The following FBXW5 variants were observed in gnomAD, a reference collection of about 807,000 sequenced individuals.
FBXW5 encodes the protein F-box and WD repeat domain containing 5.
A neutral mutation model predicts 50.9 loss-of-function variants in FBXW5; 74 were observed. The ratio of observed to expected loss-of-function variants is 1.45; its 90% CI spans 1.20 to 1.76. The LOEUF is 1.76. FBXW5 is among the 40% of genes most tolerant of loss of function. FBXW5 has a pLI of 0.00. For synonymous variants in FBXW5, 523 were observed against 362.2 expected (o/e 1.44, Z -5.04); for missense variants, 1,073 against 818.8 (o/e 1.31, Z -3.79).
rs1354245286 is a variant in FBXW5 at position 136,943,417 on chromosome 9, C to T, written c.283G>A (p.Val95Ile). Reference protein sequence around the residue: ...VQTLREHTDQVLHLSFSHSGY... With the variant: ...VQTLREHTDQILHLSFSHSGY... ...GAATGGGAGAAGCTGAGGTGCAGGA[C>T]CTGGTCTGTGTGTTCCCGCAGCGTC... Residue 95 changes from valine (V) to isoleucine (I), a missense_variant, in exon 3 of 9, where the codon GTC becomes ATC. Coordinates refer to ENST00000325285, the MANE Select transcript of FBXW5 (RefSeq NM_018998.4). 2 of 1,612,804 alleles carry T rather than the reference C, an allele frequency of 1.2e-6. No homozygotes were observed. The highest frequency in any genetic ancestry group is 1.3e-5 in the African/African-American group (1 of 74,934).
At position 136,944,690 on chromosome 9, in the gene FBXW5, G is replaced by GGAGCCCGCCAGGCCCGACGCC; in HGVS notation, c.-141_-121dup. 1.0e-6 allele frequency: 1 copy of GGAGCCCGCCAGGCCCGACGCC among 985,778 alleles called. No individual in the cohort carries two copies. The highest frequency in any genetic ancestry group is 1.2e-6 in the Non-Finnish European group (1 of 829,832). The allele number at this position is 985,778 out of a possible 1,614,324, so 61.1% of individuals were successfully genotyped here. On this transcript the variant is annotated 5_prime_UTR_variant, in exon 1 of 9. Coordinates refer to ENST00000325285, the MANE Select transcript of FBXW5 (RefSeq NM_018998.4). ...TCGGACCGCCGCCCCCGCCCAACGG[G>GGAGCCCGCCAGGCCCGACGCC]GAGCCCGCCAGGCCCGACGCCACGA...
chr9:136,941,098 C>G lies in FBXW5; in HGVS notation c.1531G>C (p.Asp511His), dbSNP rs998719869. The change falls in exon 9 of 9, where the codon GAT becomes CAT. Residue 511 changes from aspartate (D) to histidine (H), a missense_variant. Asp to His is a moderately conservative substitution (Grantham distance 81). Transcript: ENST00000325285. ...NICLARLRHE[D>H]VVNSVVFSPQ... ...CTGAAGACCACTGAGTTGACCACATCCTCGTGCCGCAGCCTGGCCAGACAG... is the reference window on the plus strand; with the variant it reads ...CTGAAGACCACTGAGTTGACCACATGCTCGTGCCGCAGCCTGGCCAGACAG... 3.2e-6 allele frequency: 5 copies of G among 1,580,706 alleles called. No homozygotes were observed. The highest frequency in any genetic ancestry group is 4.3e-6 in the Non-Finnish European group (5 of 1,163,422).
Position 136,942,931 on chromosome 9 carries a change from C to T in FBXW5, c.364G>A (p.Asp122Asn), listed in dbSNP as rs376304753. 2.9e-5 allele frequency: 46 copies of T among 1,612,882 alleles called. 1 individual carries two copies. Among genetic ancestry groups the T allele is most frequent in the South Asian group, 1.5e-4 (14 of 91,038 alleles). Residue 122 changes from aspartate to asparagine, a missense_variant, in exon 4 of 9, where the codon GAC (aspartate) becomes AAC (asparagine). Asp to Asn is a conservative substitution (Grantham distance 23). Transcript: ENST00000325285. ...KDCTVKIWSN[D>N]LTISLLHSAD... ...CTGTGCAGCAGCGAGATGGTCAGGT[C>T]GTTGCTCCAGATCTGTTCGGCAGGG...
intron 7 of FBXW5, 30 bp downstream of exon 7, chr9:136,941,507 C>T (rs1321455674): frequency 1.2e-6 from 2 of 1,605,598 alleles, no homozygotes; most frequent in Non-Finnish European, 1.7e-6. Context: ...CCTGCGGGCA[C>T]CCCGCCTGGG....
intron 3 of FBXW5, 32 bp downstream of exon 3, chr9:136,943,317 G>A (rs770728500): frequency 1.2e-6 from 2 of 1,604,180 alleles, no homozygotes; most frequent in South Asian, 1.1e-5. Flanking sequence ...GCAGAGCTGG[G>A]TGGGGTGTGC....
At chr9:136,943,049 C>T in intron 3 of FBXW5, 106 bp from the exon 4 acceptor site, 1 of 1,546,118 alleles carries the variant, frequency 6.5e-7, no homozygotes, top group Non-Finnish European at 8.8e-7. Flanking sequence ...ACTCAGAGGC[C>T]ACCAGGGAGC....
In FBXW5 at chr9:136,941,295, C is replaced by G; in HGVS notation, c.1413G>C (p.Glu471Asp). 6.2e-7 allele frequency: 1 copy of G among 1,608,876 alleles called. No individual in the cohort carries two copies. The highest frequency in any genetic ancestry group is 1.1e-5 in the South Asian group (1 of 91,078). ...TGACGTCCAGGAAGATGAAGAAGCA[C>G]TCGTCGTTGGGCGTGTAGGCGCGGT... ...RAHRAYTPND[E>D]CFFIFLDVSR... The change falls in exon 8 of 9, where the codon GAG becomes GAC. Residue 471 changes from glutamate (E) to aspartate (D), a missense_variant. Transcript: ENST00000325285.
Position 136,943,939 on chromosome 9 carries a change from GCTCC to G in FBXW5, c.141_144del (p.Arg47SerfsTer69), listed in dbSNP as rs1415599822. ...GCCACCTGGTAGTAGCGGTAGAACT[GCTCC>G]CTCCACAGGAACTCGTCCCGCGACA... On this transcript the variant is annotated frameshift_variant, in exon 2 of 9. Transcript: ENST00000325285. LOFTEE classifies it high-confidence loss of function. 1 of 1,553,824 alleles carries G rather than the reference GCTCC, an allele frequency of 6.4e-7. No homozygotes were observed. Among genetic ancestry groups the G allele is most frequent in the Non-Finnish European group, 8.7e-7 (1 of 1,149,272 alleles).
rs1324836774 is a variant in FBXW5 at position 136,941,191 on chromosome 9, T to A, written c.1458-20A>T. The A allele has an allele frequency of 1.9e-6, 3 of 1,598,082 alleles. No individual in the cohort carries two copies. The East Asian group carries it at 6.7e-5, about 36-fold the overall frequency. On this transcript the variant is annotated intron_variant, in intron 8 of 8. Transcript: ENST00000325285. The stretch of plus-strand genomic sequence containing the variant: ...GCCCCGCTGCAGAACAGCGCCTGGG[T>A]GAGCCGGCCGCCCGCCCGCTGCTGC...
At position 136,941,296 on chromosome 9, in the gene FBXW5, T is replaced by C. The variant is rs1442919872; in HGVS notation, c.1412A>G (p.Glu471Gly). Residue 471 changes from glutamate (E) to glycine (G), a missense_variant, in exon 8 of 9, where the codon GAG becomes GGG. Transcript: ENST00000325285. ...GACGTCCAGGAAGATGAAGAAGCAC[T>C]CGTCGTTGGGCGTGTAGGCGCGGTG... Reference protein sequence around the residue: ...RAHRAYTPNDECFFIFLDVSR... With the variant: ...RAHRAYTPNDGCFFIFLDVSR... 1.2e-6 allele frequency: 2 copies of C among 1,608,930 alleles called. No individual in the cohort carries two copies. Among genetic ancestry groups the C allele is most frequent in the Non-Finnish European group, 1.7e-6 (2 of 1,179,804 alleles).
rs1564432564 is a variant in FBXW5 at position 136,941,294 on chromosome 9, A to G, written c.1414T>C (p.Cys472Arg). ...CTGACGTCCAGGAAGATGAAGAAGC[A>G]CTCGTCGTTGGGCGTGTAGGCGCGG... ...AHRAYTPNDE[C>R]FFIFLDVSRD... is the part of the protein sequence containing the mutation. The change falls in exon 8 of 9, where the codon TGC (cysteine) becomes CGC (arginine). Residue 472 changes from cysteine to arginine, a missense_variant. Coordinates refer to ENST00000325285, the MANE Select transcript of FBXW5 (RefSeq NM_018998.4). The G allele has an allele frequency of 6.2e-7, 1 of 1,608,680 alleles. No individual in the cohort carries two copies. The highest frequency in any genetic ancestry group is 1.7e-5 in the Admixed American group (1 of 59,994).
chr9:136,941,318 G>A lies in FBXW5; in HGVS notation c.1390C>T (p.Arg464Cys), dbSNP rs371147879. The stretch of plus-strand genomic sequence containing the variant: ...CACTCGTCGTTGGGCGTGTAGGCGC[G>A]GTGCGCACGCAGAGCCCGCCTCACC... ...REVRRALRAH[R>C]AYTPNDECFF... is the part of the protein sequence containing the mutation. The change falls in exon 8 of 9, where the codon CGC becomes TGC. Residue 464 changes from arginine (R) to cysteine (C), a missense_variant. By Grantham distance (180) the Arg-to-Cys change is radical. Coordinates refer to ENST00000325285, the MANE Select transcript of FBXW5 (RefSeq NM_018998.4). 19 of 1,609,798 alleles carry A rather than the reference G, an allele frequency of 1.2e-5. No individual in the cohort carries two copies. Among genetic ancestry groups the A allele is most frequent in the East Asian group, 2.2e-5 (1 of 44,808 alleles).
rs750587428 is a variant in FBXW5, at chr9:136,943,922, G to C, written c.162C>G (p.Tyr54Ter). ...GTCGGGGCACGTCGCGGGCCACCTG[G>C]TAGTAGCGGTAGAACTGCTCCCTCC... is the stretch of plus-strand genomic sequence containing the variant. ...FLWREQFYRY[Y>*]QVARDVPRHP... The change falls in exon 2 of 9, where the codon TAC (tyrosine) becomes TAG (stop). Residue 54 changes from tyrosine to a stop codon, truncating the protein, a stop_gained. Transcript: ENST00000325285. LOFTEE classifies it high-confidence loss of function. The C allele has an allele frequency of 6.4e-7, 1 of 1,551,116 alleles. No homozygotes were observed. Among genetic ancestry groups the C allele is most frequent in the East Asian group, 2.4e-5 (1 of 40,960 alleles).
rs747764299 is a variant in FBXW5 at position 136,942,992 on chromosome 9, G to A, written c.352-49C>T. On this transcript the variant is annotated intron_variant, in intron 3 of 8. Transcript: ENST00000325285. ...TGATCGCCTGGCCAGGTCGCGGGGC[G>A]GGGGCCTGCTACTACACAGCCATGA... The A allele has an allele frequency of 5.0e-6, 8 of 1,608,692 alleles. No homozygotes were observed. The Admixed American group carries it at 5.0e-5, about 10-fold the overall frequency.
chr9:136,942,547 C>G lies in FBXW5; in HGVS notation c.675G>C (p.Gln225His), dbSNP rs746302217. Residue 225 changes from glutamine (Q) to histidine (H), a missense_variant and splice_region_variant, in exon 5 of 9, where the codon CAG (glutamine) becomes CAC (histidine). Coordinates refer to ENST00000325285, the MANE Select transcript of FBXW5 (RefSeq NM_018998.4). Reference sequence around the variant, plus strand: ...GCCCCGCCCCTAGCCCCGCACGCACCTGGAAGGCATTGTTGAGCCACAGCA... The same window carrying G: ...GCCCCGCCCCTAGCCCCGCACGCACGTGGAAGGCATTGTTGAGCCACAGCA... ...CSVLWLNNAF[Q>H]DVESENVNVV... The G allele has an allele frequency of 6.2e-6, 10 of 1,610,676 alleles. No individual in the cohort carries two copies. The highest frequency in any genetic ancestry group is 7.6e-6 in the Non-Finnish European group (9 of 1,178,470).
intron 1 of FBXW5, 134 bp from the exon 2 acceptor site, chr9:136,944,240 C>G: frequency 5.9e-6 from 6 of 1,011,702 alleles, no homozygotes; most frequent in Non-Finnish European, 8.1e-6. Flanking sequence ...CGCCCGGGTA[C>G]CGCCGCCCAA....
chr9:136,942,531 C>T lies in FBXW5; in HGVS notation c.675+16G>A, dbSNP rs369341577. On this transcript the variant is annotated intron_variant, in intron 5 of 8. Transcript: ENST00000325285. The stretch of plus-strand genomic sequence containing the variant: ...AGGCCCCAGGAGGGCAGCCCCGCCC[C>T]TAGCCCCGCACGCACCTGGAAGGCA... 1.2e-6 allele frequency: 2 copies of T among 1,606,142 alleles called. No homozygotes were observed. Among genetic ancestry groups the T allele is most frequent in the Non-Finnish European group, 1.7e-6 (2 of 1,174,862 alleles).
At position 136,943,730 on chromosome 9, in the gene FBXW5, G is replaced by A. The variant is rs142573296; in HGVS notation, c.193+161C>T. On this transcript the variant is annotated intron_variant, in intron 2 of 8. Transcript: ENST00000325285. ...AACCCTCTGGCCTCCAAGCTCTGAGGGGCGCCTGCGCTGTGTCCTGACAGG... is the reference window on the plus strand; with the variant it reads ...AACCCTCTGGCCTCCAAGCTCTGAGAGGCGCCTGCGCTGTGTCCTGACAGG... 2.4e-3 allele frequency among the ~76,000 whole-genome samples: 372 copies of A among 152,352 alleles called. 3 individuals are homozygous for A. Among genetic ancestry groups the A allele is most frequent in the African/African-American group, 8.5e-3 (354 of 41,578 alleles).
At position 136,943,335 on chromosome 9, in the gene FBXW5, C is replaced by T. The variant is rs761949947; in HGVS notation, c.351+14G>A. The T allele has an allele frequency of 1.6e-5, 25 of 1,607,726 alleles. No homozygotes were observed. The East Asian group carries it at 4.3e-4, about 27-fold the overall frequency. On this transcript the variant is annotated intron_variant, in intron 3 of 8. Transcript: ENST00000325285. Reference sequence around the variant, plus strand: ...GAGCTGGGTGGGGTGTGCAGGACACCTGGCCGTCCTCACCTTCACAGTGCA... The same window carrying T: ...GAGCTGGGTGGGGTGTGCAGGACACTTGGCCGTCCTCACCTTCACAGTGCA...
Sources: gnomAD v4.1 joint callset for allele counts (sites outside exome capture counted in the v4.1 genomes callset) on GRCh38, gnomAD v4.1.1 for gene constraint, MANE v1.5 for transcripts, NCBI Gene and HGNC (gene_info 2026-07-23, HGNC 2026-07-21) for gene names.